SGMS1: variants seen among roughly 807,000 people sequenced by gnomAD.
SGMS1 encodes sphingomyelin synthase 1.
A neutral mutation model predicts 46.2 loss-of-function variants in SGMS1; 13 were observed. The ratio of observed to expected loss-of-function variants is 0.28; its 90% CI spans 0.18 to 0.45. The LOEUF is 0.45. Ranked by LOEUF, SGMS1 falls within the 20% of genes least tolerant of loss-of-function variation. SGMS1 has a pLI of 1.00. For missense variants in SGMS1, 324 were observed against 519.9 expected, an observed-to-expected ratio of 0.62 and a Z score of 3.66; for synonymous variants, 203 against 187.8, an observed-to-expected ratio of 1.08 and a Z score of -0.66.
chr10:50,390,012 C>T (rs1848742619), intron 6 of SGMS1, among the ~76,000 whole-genome samples: 1 of 152,274 alleles, frequency 6.6e-6, no homozygotes, highest in Non-Finnish European at 1.5e-5. Flanking sequence ...TGAAAATATT[C>T]CATAATACCC....
chr10:50,319,592 C>T (rs1847406810), intron 8 of SGMS1, among the ~76,000 whole-genome samples: 1 of 152,106 alleles, frequency 6.6e-6, no homozygotes, highest in South Asian at 2.1e-4. Flanking sequence ...GTCTTTTTTT[C>T]CCCATGACAC....
intron 6 of SGMS1, among the ~76,000 whole-genome samples, chr10:50,351,149 G>A (rs1222012113): frequency 1.3e-5 from 2 of 152,198 alleles, no homozygotes; most frequent in South Asian, 2.1e-4. Flanking sequence ...TCATTTTGGA[G>A]CTTTAATATT....
At chr10:50,533,239 G>A (rs533112028) in intron 2 of SGMS1, among the ~76,000 whole-genome samples, 2 of 152,282 alleles carry the variant, frequency 1.3e-5, no homozygotes, top group South Asian at 2.1e-4. Context: ...TAAGTAGAGA[G>A]AGCTTTTTCC....
At chr10:50,443,280 G>C (rs2133641833) in intron 5 of SGMS1, among the ~76,000 whole-genome samples, 1 of 152,256 alleles carries the variant, frequency 6.6e-6, no homozygotes, top group South Asian at 2.1e-4. Flanking sequence ...TACTTACTAA[G>C]TGACGGGGCT....
intron 3 of SGMS1, among the ~76,000 whole-genome samples, chr10:50,508,424 G>A (rs1017530242): frequency 2.6e-5 from 4 of 152,128 alleles, no homozygotes; most frequent in Non-Finnish European, 5.9e-5. Flanking sequence ...TTCAGCTCAC[G>A]TTTCTCATCA....
chr10:50,480,318 A>G (rs531392224), intron 3 of SGMS1, among the ~76,000 whole-genome samples: 3 of 152,176 alleles, frequency 2.0e-5, no homozygotes, highest in Admixed American at 2.0e-4. Flanking sequence ...AAGCACCAAG[A>G]ATATCCTGGC....
chr10:50,317,802 C>CT (rs143154915), intron 8 of SGMS1, among the ~76,000 whole-genome samples: 34,420 of 133,564 alleles, frequency 0.26, 5,014 homozygotes, highest in East Asian at 0.61. Context: ...TTATTTCTTT[C>CT]TTTTTTTTTT....
At chr10:50,513,628 AAT>A (rs1456912152) in intron 3 of SGMS1, among the ~76,000 whole-genome samples, 27 of 152,290 alleles carry the variant, frequency 1.8e-4, no homozygotes, top group African/African-American at 6.5e-4. Context: ...CTATTACAAT[AAT>A]GTATCTAAAG....
intron 4 of SGMS1, among the ~76,000 whole-genome samples, chr10:50,463,583 T>G (rs1053154562): frequency 2.6e-5 from 4 of 152,180 alleles, no homozygotes; most frequent in African/African-American, 9.7e-5. Flanking sequence ...GGTGGGAATG[T>G]CAAATCGTAC....
intron 2 of SGMS1, among the ~76,000 whole-genome samples, chr10:50,558,252 C>T (rs1441069686): frequency 3.3e-5 from 5 of 152,274 alleles, no homozygotes; most frequent in South Asian, 2.1e-4. Flanking sequence ...AATGGGTCAA[C>T]GAACTCTCAT....
intron 2 of SGMS1, among the ~76,000 whole-genome samples, chr10:50,577,629 G>A (rs543876914): frequency 5.6e-4 from 85 of 152,292 alleles, no homozygotes; most frequent in Non-Finnish European, 9.0e-4. Context: ...AATAACAAGA[G>A]AGAAAGGAAC....
rs147220755 is a variant in SGMS1, at chr10:50,510,366, G to A, written c.-498+9465C>T. Among the ~76,000 whole-genome samples, 21 of 152,264 alleles carry A rather than the reference G, an allele frequency of 1.4e-4. No individual in the cohort carries two copies. In the East Asian group the frequency reaches 4.0e-3, roughly 29 times the overall value. On this transcript the variant is annotated intron_variant, in intron 3 of 10. Transcript: ENST00000361781. ...GAAGTATTAGCCTACAGGTTTTTGT[G>A]TGAATAGAGGTTTTCAATTCTCTTG...
intron 2 of SGMS1, among the ~76,000 whole-genome samples, chr10:50,566,651 A>C (rs1279447286): frequency 1.3e-5 from 2 of 152,218 alleles, no homozygotes; most frequent in Non-Finnish European, 2.9e-5. Context: ...TTAATGCTGG[A>C]AAATTTTTAT....
At chr10:50,543,811 T>C (rs1304216997) in intron 2 of SGMS1, among the ~76,000 whole-genome samples, 1 of 152,214 alleles carries the variant, frequency 6.6e-6, no homozygotes, top group African/African-American at 2.4e-5. Flanking sequence ...GATTTTTTTT[T>C]ACTTGGTTCC....
At chr10:50,551,185 T>C (rs964850322) in intron 2 of SGMS1, among the ~76,000 whole-genome samples, 3 of 151,952 alleles carry the variant, frequency 2.0e-5, no homozygotes, top group Non-Finnish European at 4.4e-5. Flanking sequence ...TCAAGCTCAA[T>C]ATCAACGTGA....
At chr10:50,411,635 T>C (rs1025506740) in intron 6 of SGMS1, among the ~76,000 whole-genome samples, 5 of 152,232 alleles carry the variant, frequency 3.3e-5, no homozygotes. Context: ...GTCTCAAGAA[T>C]TGTGGTCACT....
chr10:50,366,504 A>C (rs1332111110), intron 6 of SGMS1, among the ~76,000 whole-genome samples: 1 of 152,214 alleles, frequency 6.6e-6, no homozygotes, highest in Non-Finnish European at 1.5e-5. Flanking sequence ...ATGCACACGT[A>C]TGTTTATTGT....
intron 6 of SGMS1, among the ~76,000 whole-genome samples, chr10:50,412,233 C>T (rs1564906286): frequency 6.6e-6 from 1 of 152,152 alleles, no homozygotes; most frequent in East Asian, 1.9e-4. Flanking sequence ...GCAATAGGGA[C>T]ACTGAGAAAG....
chr10:50,532,183 T>C (rs1837960336), intron 2 of SGMS1, among the ~76,000 whole-genome samples: 1 of 151,334 alleles, frequency 6.6e-6, no homozygotes, highest in Admixed American at 6.6e-5. Context: ...ATATGTCCCT[T>C]AGGTTCCTTG....
Sources: gnomAD v4.1 joint callset for allele counts (sites outside exome capture counted in the v4.1 genomes callset) on GRCh38, gnomAD v4.1.1 for gene constraint, MANE v1.5 for transcripts, NCBI Gene and HGNC (gene_info 2026-07-23, HGNC 2026-07-21) for gene names.